Variants in EPHA7 observed in about 807,000 individuals in gnomAD.
The protein encoded by EPHA7 is ephrin type-A receptor 7.
In EPHA7, 25 loss-of-function variants were observed where a neutral mutation model predicts 112.6. The observed-to-expected ratio is 0.22, with a 90% CI of 0.16 to 0.31. EPHA7 has a LOEUF of 0.31. Ranked by LOEUF, EPHA7 falls within the 10% of genes least tolerant of loss-of-function variation. EPHA7 has a pLI of 1.00. For missense variants in EPHA7, 962 were observed against 1,212.6 expected (o/e 0.79, Z 3.07); for synonymous variants, 437 against 406.5 (o/e 1.07, Z -0.90).
At chr6:93,368,637 G>C (rs1454178101) in intron 3 of EPHA7, among the ~76,000 whole-genome samples, 3 of 151,992 alleles carry the variant, frequency 2.0e-5, no homozygotes, top group Admixed American at 6.6e-5. Context: ...TGTGGTGCAA[G>C]CCTTGAAAAA....
chr6:93,300,760 CTGT>C (rs1443922974), intron 5 of EPHA7, among the ~76,000 whole-genome samples: 2 of 152,092 alleles, frequency 1.3e-5, no homozygotes, highest in Admixed American at 1.3e-4. Context: ...TTAATTTGTT[CTGT>C]TGCATGAAAC....
rs2127994668 is a variant in EPHA7 at position 93,410,719 on chromosome 6, C to A, written c.614G>T (p.Cys205Phe). ...AGCTAAGTTCTCAATAATGGACCAG[C>A]ACTTCTTGTAGTACACTTTGACAGA... ...LVSVKVYYKK[C>F]WSIIENLAIF... The change falls in exon 3 of 17, where the codon TGC (cysteine) becomes TTC (phenylalanine). Residue 205 changes from cysteine (C) to phenylalanine (F), a missense_variant. Coordinates refer to ENST00000369303, the MANE Select transcript of EPHA7 (RefSeq NM_004440.4). This position sits in a 1 kb window ranked among gnomAD's most constrained non-coding sequence, Gnocchi z 4.0. 1 of 1,614,032 alleles carries A rather than the reference C, an allele frequency of 6.2e-7. No homozygotes were observed. The highest frequency in any genetic ancestry group is 8.5e-7 in the Non-Finnish European group (1 of 1,179,950).
rs374344966 is a variant in EPHA7, at chr6:93,242,931, G to A, written c.*495C>T. The A allele has an allele frequency of 2.3e-5, 5 of 218,142 alleles. 1 individual carries two copies. The highest frequency in any genetic ancestry group is 1.2e-4 in the Admixed American group (2 of 17,254). The allele number at this position is 218,142 out of a possible 1,614,324, so 13.5% of individuals were successfully genotyped here. A position where few individuals can be genotyped will look rare whatever the true frequency, so the allele number is the denominator to read the frequency against. ...AGGTACCCAGTGTAGTAATGTTACA[G>A]ATTTAACACTAAAAAGGTCCAAAGC... On this transcript the variant is annotated 3_prime_UTR_variant, in exon 17 of 17. Coordinates refer to ENST00000369303, the MANE Select transcript of EPHA7 (RefSeq NM_004440.4).
chr6:93,253,776 AGAT>A (rs1176743526), intron 14 of EPHA7, among the ~76,000 whole-genome samples: 4 of 152,126 alleles, frequency 2.6e-5, no homozygotes, highest in Non-Finnish European at 5.9e-5. Context: ...GGTATCCACC[AGAT>A]TTTTAGTACA....
At position 93,259,441 on chromosome 6, in the gene EPHA7, T is replaced by C; in HGVS notation, c.1837A>G (p.Thr613Ala). The C allele has an allele frequency of 1.2e-6, 2 of 1,611,912 alleles. No individual in the cohort carries two copies. The highest frequency in any genetic ancestry group is 1.3e-5 in the African/African-American group (1 of 74,868). Residue 613 changes from threonine to alanine, a missense_variant, in exon 10 of 17, where the codon ACC becomes GCC. Physicochemically the swap from Thr to Ala is moderately conservative, Grantham distance 58. Transcript: ENST00000369303. ...PGTKTYIDPE[T>A]YEDPNRAVHQ... is the part of the protein sequence containing the mutation. ...ACAGCTCTATTTGGGTCCTCATAGG[T>C]TTCAGGGTCAATGTAGGTTTTGGTG...
Position 93,258,081 on chromosome 6 carries a change from G to T in EPHA7, c.2110+18C>A, listed in dbSNP as rs1770518684. 1.1e-5 allele frequency: 18 copies of T among 1,603,650 alleles called. No individual in the cohort carries two copies. Among genetic ancestry groups the T allele is most frequent in the Non-Finnish European group, 1.4e-5 (17 of 1,173,134 alleles). On this transcript the variant is annotated intron_variant, in intron 11 of 16. Coordinates refer to ENST00000369303, the MANE Select transcript of EPHA7 (RefSeq NM_004440.4). ...CACTCAGTCTTTTTGATAAAATAAA[G>T]ATATAACCAATATCTACCTCTTGTA...
chr6:93,356,999 T>G lies in EPHA7; in HGVS notation c.1042A>C (p.Ser348Arg). 6.2e-7 allele frequency: 1 copy of G among 1,614,010 alleles called. No individual in the cohort carries two copies. The highest frequency in any genetic ancestry group is 8.5e-7 in the Non-Finnish European group (1 of 1,179,980). ...TCTGCAGGAGGACTCCATTCCAAACTTACTGTGGTTTGGTTGATGTTGAAA... is the reference window on the plus strand; with the variant it reads ...TCTGCAGGAGGACTCCATTCCAAACGTACTGTGGTTTGGTTGATGTTGAAA... The part of the protein sequence containing the change: ...LIFNINQTTV[S>R]LEWSPPADNG... Residue 348 changes from serine to arginine, a missense_variant, in exon 5 of 17, where the codon AGT becomes CGT. By Grantham distance (110) the Ser-to-Arg change is moderately radical (BLOSUM62 -1). Around this residue, in one of 3 missense-constraint regions of EPHA7, gnomAD observed 746 missense variants for 889.2 expected, o/e 0.84. Coordinates refer to ENST00000369303, the MANE Select transcript of EPHA7 (RefSeq NM_004440.4).
intron 5 of EPHA7, among the ~76,000 whole-genome samples, chr6:93,334,541 A>G (rs1774762168): frequency 6.6e-6 from 1 of 152,024 alleles, no homozygotes; most frequent in African/African-American, 2.4e-5. Context: ...AACTAATTTT[A>G]TATTTCTAAA....
At chr6:93,268,294 C>T (rs2127875238) in intron 7 of EPHA7, among the ~76,000 whole-genome samples, 1 of 151,686 alleles carries the variant, frequency 6.6e-6, no homozygotes, top group Non-Finnish European at 1.5e-5. Context: ...ATAAGAGTTA[C>T]AGATTTATTT....
At chr6:93,321,439 C>T (rs1223716107) in intron 5 of EPHA7, among the ~76,000 whole-genome samples, 1 of 151,904 alleles carries the variant, frequency 6.6e-6, no homozygotes, top group Admixed American at 6.6e-5. Context: ...TCTGTTTATC[C>T]TTGGAACTCA....
rs367906984 is a variant in EPHA7, at chr6:93,333,971, G to C, written c.1324+22746C>G. On this transcript the variant is annotated intron_variant, in intron 5 of 16. Transcript: ENST00000369303. The stretch of plus-strand genomic sequence containing the variant: ...TTCAAAATTCATATGAACCAAAAAA[G>C]AGCTGACTTACTCAGGACAATTCTA... 1.5e-4 allele frequency among the ~76,000 whole-genome samples: 23 copies of C among 151,712 alleles called. No individual in the cohort carries two copies. The East Asian group carries it at 1.7e-3, about 11-fold the overall frequency.
chr6:93,351,168 C>T (rs901836329), intron 5 of EPHA7, among the ~76,000 whole-genome samples: 13 of 151,932 alleles, frequency 8.6e-5, no homozygotes, highest in Non-Finnish European at 1.2e-4. Flanking sequence ...TTGCTCACTC[C>T]TAGGAAAAAC....
intron 3 of EPHA7, among the ~76,000 whole-genome samples, chr6:93,390,048 A>G (rs1004156263): frequency 1.3e-5 from 2 of 151,932 alleles, no homozygotes; most frequent in Admixed American, 1.3e-4. Context: ...CAAAATCACT[A>G]AACTTTAGCA....
At chr6:93,399,853 T>A (rs948433072) in intron 3 of EPHA7, among the ~76,000 whole-genome samples, 2 of 152,094 alleles carry the variant, frequency 1.3e-5, no homozygotes, top group Non-Finnish European at 2.9e-5. Context: ...GAAGTATAAA[T>A]GAGGACTTTA....
intron 3 of EPHA7, among the ~76,000 whole-genome samples, chr6:93,359,878 T>TAGATAGAG (rs1554185715): frequency 2.3e-4 from 21 of 89,600 alleles, no homozygotes; most frequent in African/African-American, 8.1e-4. Flanking sequence ...GAGAGAGAGA[T>TAGATAGAG]AGATAGATAG....
Position 93,315,819 on chromosome 6 carries a change from C to G in EPHA7, c.1324+40898G>C, listed in dbSNP as rs543726662. Reference sequence around the variant, plus strand: ...CTCACAGTGTGTTATTTTACTTATGCTAAAAGTACTAATAATTCACTCTCA... The same window carrying G: ...CTCACAGTGTGTTATTTTACTTATGGTAAAAGTACTAATAATTCACTCTCA... On this transcript the variant is annotated intron_variant, in intron 5 of 16. Transcript: ENST00000369303. 2.0e-5 allele frequency among the ~76,000 whole-genome samples: 3 copies of G among 152,204 alleles called. No homozygotes were observed. The South Asian group carries it at 6.2e-4, about 32-fold the overall frequency.
At chr6:93,299,189 GGTGGCGGGCGCCTGTA>G (rs1460211125) in intron 5 of EPHA7, among the ~76,000 whole-genome samples, 1 of 152,008 alleles carries the variant, frequency 6.6e-6, no homozygotes, top group Non-Finnish European at 1.5e-5. Context: ...AGCCGGGCGT[GGTGGCGGGCGCCTGTA>G]GTCCCAGCTA....
chr6:93,361,775 T>A (rs2127950982), intron 3 of EPHA7, among the ~76,000 whole-genome samples: 1 of 152,244 alleles, frequency 6.6e-6, no homozygotes. Context: ...AAATTTTTCC[T>A]CTGCTTTATT....
intron 1 of EPHA7, among the ~76,000 whole-genome samples, chr6:93,418,680 C>T (rs1181043429): frequency 6.6e-6 from 1 of 152,204 alleles, no homozygotes; most frequent in Non-Finnish European, 1.5e-5. Context: ...GCGCCAACCG[C>T]AGGACCGCGC....
Sources: allele counts gnomAD v4.1 joint callset (sites outside exome capture counted in the v4.1 genomes callset), GRCh38; gene constraint gnomAD v4.1.1; regional missense constraint gnomAD v4.1.1; non-coding constraint Gnocchi (gnomAD v3.1); transcripts MANE v1.5; gene names NCBI Gene and HGNC (gene_info 2026-07-23, HGNC 2026-07-21).